SSH1: variants seen among roughly 807,000 people sequenced by gnomAD.
SSH1 encodes slingshot protein phosphatase 1, also known as protein phosphatase Slingshot homolog 1.
A neutral mutation model predicts 79.7 loss-of-function variants in SSH1; 43 were observed. The ratio of observed to expected loss-of-function variants is 0.54; its 90% confidence interval spans 0.42 to 0.70. The LOEUF is 0.70. Among genes scored for constraint, SSH1 ranks in the 30% least tolerant of loss-of-function variants. The pLI is 0.00. For missense variants in SSH1, 1,206 were observed against 1,358.8 expected (o/e 0.89, Z 1.77); for synonymous variants, 599 against 538.3 (o/e 1.11, Z -1.56).
At chr12:108,802,427 AG>A in intron 10 of SSH1, 59 bp from the exon 11 acceptor site, 1 of 1,538,060 alleles carries the variant, frequency 6.5e-7, no homozygotes, top group Non-Finnish European at 9.0e-7. Flanking sequence ...AGAGCTGCTC[AG>A]GGGATGCATG....
At chr12:108,813,711 A>C (rs2037737637) in intron 5 of SSH1, among the ~76,000 whole-genome samples, 1 of 135,762 alleles carries the variant, frequency 7.4e-6, no homozygotes, top group Non-Finnish European at 1.6e-5. Flanking sequence ...CTGTCTCCAA[A>C]TTAAAAAAAA....
rs1326545830 is a variant in SSH1 at position 108,781,753 on chromosome 12, AGAG to A, written c.*6232_*6234del. On this transcript the variant is annotated 3_prime_UTR_variant, in exon 15 of 15. Transcript: ENST00000326495. ...TAGAAATGATGTATCGCATCCAGAC[AGAG>A]GAGACTGAGTGAATGTGACTCCTCC... 6.6e-6 allele frequency: 1 copy of A among 152,210 alleles called. No homozygotes were observed. The highest frequency in any genetic ancestry group is 2.4e-5 in the African/African-American group (1 of 41,448). The allele number at this position is 152,210 out of a possible 1,614,324, so 9.4% of individuals were successfully genotyped here.
chr12:108,854,026 G>A (rs2039097310), intron 1 of SSH1, among the ~76,000 whole-genome samples: 1 of 152,116 alleles, frequency 6.6e-6, no homozygotes, highest in Non-Finnish European at 1.5e-5. Flanking sequence ...CACACTGAAG[G>A]AGAAGTGGAA....
rs560769964 is a variant in SSH1, at chr12:108,785,811, A to G, written c.*2177T>C. ...TAAATTTAAAAGATTATTTTGACAC[A>G]AAAATTGATCTACCACATGAAATTT... On this transcript the variant is annotated 3_prime_UTR_variant, in exon 15 of 15. Transcript: ENST00000326495. 5 of 152,342 alleles carry G rather than the reference A, an allele frequency of 3.3e-5. No homozygotes were observed. Among genetic ancestry groups the G allele is most frequent in the African/African-American group, 1.2e-4 (5 of 41,566 alleles). The allele number at this position is 152,342 out of a possible 1,614,324, so 9.4% of individuals were successfully genotyped here.
chr12:108,829,961 C>T (rs867288937), intron 2 of SSH1, among the ~76,000 whole-genome samples: 1 of 152,262 alleles, frequency 6.6e-6, no homozygotes, highest in Middle Eastern at 3.4e-3. Flanking sequence ...ATAAAATTAG[C>T]TAGGCTTGGT....
At chr12:108,793,217 G>A (rs778423765) in intron 13 of SSH1, among the ~76,000 whole-genome samples, 1 of 152,122 alleles carries the variant, frequency 6.6e-6, no homozygotes, top group Non-Finnish European at 1.5e-5. Flanking sequence ...CTATATTGTA[G>A]GGAAATGAAG....
intron 2 of SSH1, among the ~76,000 whole-genome samples, chr12:108,845,054 T>A (rs1359986132): frequency 8.0e-5 from 12 of 149,214 alleles, no homozygotes; most frequent in African/African-American, 3.0e-4. Context: ...CTCGGGAGGC[T>A]GAGACAGGAC....
At chr12:108,845,107 G>A (rs943869277) in intron 2 of SSH1, among the ~76,000 whole-genome samples, 2 of 151,184 alleles carry the variant, frequency 1.3e-5, no homozygotes, top group African/African-American at 2.4e-5. Context: ...TACTCGGGAG[G>A]CTGAGACAGG....
chr12:108,804,100 T>A (rs1240399595), intron 10 of SSH1, among the ~76,000 whole-genome samples: 1 of 152,164 alleles, frequency 6.6e-6, no homozygotes, highest in Non-Finnish European at 1.5e-5. Context: ...AAAAAAATAT[T>A]TTTTAGAGAC....
intron 2 of SSH1, among the ~76,000 whole-genome samples, chr12:108,836,654 A>T (rs760566831): frequency 1.3e-5 from 2 of 152,232 alleles, no homozygotes; most frequent in African/African-American, 4.8e-5. Flanking sequence ...GGATATTAAC[A>T]TAATTTTAAA....
Position 108,809,760 on chromosome 12 carries a change from T to A in SSH1, c.471-2A>T. On this transcript the variant is annotated splice_acceptor_variant, in intron 6 of 14. Transcript: ENST00000326495. LOFTEE classifies it high-confidence loss of function. ...CCTGCTGTGCTCACGCTGAACCCAC[T>A]GAGAATAAAACACAGAGAGAAAGGT... The A allele has an allele frequency of 6.2e-7, 1 of 1,613,514 alleles. No individual in the cohort carries two copies. The highest frequency in any genetic ancestry group is 8.5e-7 in the Non-Finnish European group (1 of 1,179,522).
rs540829930 is a variant in SSH1 at position 108,792,441 on chromosome 12, G to C, written c.1738C>G (p.Arg580Gly). The C allele has an allele frequency of 2.5e-6, 4 of 1,614,162 alleles. No homozygotes were observed. The South Asian group carries it at 3.3e-5, about 13-fold the overall frequency. ...KKLEFGSPKGRSGSLLQVEET... is the reference protein window; with the variant it reads ...KKLEFGSPKGGSGSLLQVEET... ...TCCACCTGCAGCAAGGAGCCGCTCC[G>C]ACCTTTGGGACTCCCAAACTCTAGT... Residue 580 changes from arginine (R) to glycine (G), a missense_variant, in exon 14 of 15, where the codon CGG becomes GGG. Coordinates refer to ENST00000326495, the MANE Select transcript of SSH1 (RefSeq NM_018984.4).
At chr12:108,812,741 C>T (rs566873464) in intron 5 of SSH1, among the ~76,000 whole-genome samples, 1 of 152,344 alleles carries the variant, frequency 6.6e-6, no homozygotes, top group African/African-American at 2.4e-5. Flanking sequence ...AGGACTGCAA[C>T]AACTGCACGC....
chr12:108,841,702 G>A (rs962533249), intron 2 of SSH1, among the ~76,000 whole-genome samples: 12 of 152,182 alleles, frequency 7.9e-5, no homozygotes, highest in African/African-American at 2.9e-4. Flanking sequence ...CCAGCTACTC[G>A]GGAGGCTGAG....
chr12:108,831,056 T>G (rs1201592828), intron 2 of SSH1, among the ~76,000 whole-genome samples: 1 of 152,164 alleles, frequency 6.6e-6, no homozygotes, highest in Non-Finnish European at 1.5e-5. Flanking sequence ...ATTACACTAA[T>G]TTATGCCTAA....
At position 108,792,787 on chromosome 12, in the gene SSH1, GCTGT is replaced by G. The variant is rs773895257; in HGVS notation, c.1388_1391del (p.Asp463AlafsTer40). The G allele has an allele frequency of 7.4e-6, 12 of 1,613,906 alleles. No individual in the cohort carries two copies. Among genetic ancestry groups the G allele is most frequent in the South Asian group, 4.4e-5 (4 of 91,086 alleles). On this transcript the variant is annotated frameshift_variant, in exon 14 of 15. Coordinates refer to ENST00000326495, the MANE Select transcript of SSH1 (RefSeq NM_018984.4). LOFTEE classifies it high-confidence loss of function. ...GGTCATCCACAGGCTGCTGGAGGCT[GCTGT>G]CTGTCTGCTGACGCCACAGCTTGTT...
intron 2 of SSH1, among the ~76,000 whole-genome samples, chr12:108,836,226 T>C (rs181056203): frequency 3.3e-5 from 5 of 152,172 alleles, no homozygotes; most frequent in African/African-American, 9.6e-5. Context: ...TCTGAACTCA[T>C]AGTTTTCAAC....
chr12:108,789,322 A>G, intron 14 of SSH1, 78 bp from the exon 15 acceptor site: 1 of 1,486,940 alleles, frequency 6.7e-7, no homozygotes, highest in Non-Finnish European at 9.1e-7. Flanking sequence ...GTGGGCAGGG[A>G]AAGGGGTGCG....
intron 2 of SSH1, among the ~76,000 whole-genome samples, chr12:108,827,826 CAGTT>C (rs1404683225): frequency 6.6e-6 from 1 of 152,188 alleles, no homozygotes; most frequent in Non-Finnish European, 1.5e-5. Flanking sequence ...GCAGCTGCCG[CAGTT>C]AGTTATTCTG....
Sources: allele counts gnomAD v4.1 joint callset (sites outside exome capture counted in the v4.1 genomes callset), GRCh38; gene constraint gnomAD v4.1.1; transcripts MANE v1.5; gene names NCBI Gene and HGNC (gene_info 2026-07-23, HGNC 2026-07-21).